The following TLX1 variants were observed in gnomAD, a reference collection of about 807,000 sequenced individuals.
TLX1 encodes T-cell leukemia homeobox protein 1.
Under a neutral mutation model 26.5 loss-of-function variants are expected in TLX1, and 6 were observed. That is an observed-to-expected ratio of 0.23 (90% CI 0.12 to 0.45). The LOEUF (loss-of-function observed/expected upper bound fraction) is 0.45. TLX1 is among the 20% of genes least tolerant of loss of function. The probability of loss-of-function intolerance (pLI) is 0.99; values close to 1 mark genes in which losing one functional copy is unlikely to be tolerated. For synonymous variants in TLX1, 217 were observed against 219.7 expected (o/e 0.99, Z 0.11); for missense variants, 418 against 482.6 (o/e 0.87, Z 1.25).
In TLX1 at chr10:101,136,723, G is replaced by A. The variant is rs552617426; in HGVS notation, c.803G>A (p.Arg268Lys). 5.0e-6 allele frequency: 8 copies of A among 1,613,044 alleles called. No individual in the cohort carries two copies. The East Asian group carries it at 1.1e-4, about 22-fold the overall frequency. Residue 268 changes from arginine to lysine, a missense_variant, in exon 3 of 3, where the codon AGG becomes AAG. This residue lies in a region of TLX1 where 78 missense variants were observed against 92.2 expected (regional missense o/e 0.85). Transcript: ENST00000370196. ...RQTAEEREAE[R>K]QQANRILLQL... ...ACTGCGGAGGAACGGGAGGCCGAGA[G>A]GCAGCAAGCGAACCGCATCCTCCTG...
chr10:101,131,891 G>T lies in TLX1; in HGVS notation c.350G>T (p.Gly117Val). ...LAGGPGPGGG[G>V]GSSGGAGALS... ...GGCGGCCCCGGTCCTGGCGGCGGCG[G>T]CGGCAGCAGCGGCGGTGCCGGGGCA... The change falls in exon 1 of 3, where the codon GGC (glycine) becomes GTC (valine). Residue 117 changes from glycine to valine, a missense_variant. Around this residue, in one of 3 missense-constraint regions of TLX1, gnomAD observed 322 missense variants for 344.6 expected, o/e 0.93. Coordinates refer to ENST00000370196, the MANE Select transcript of TLX1 (RefSeq NM_005521.4). 7.2e-7 allele frequency: 1 copy of T among 1,394,724 alleles called. No individual in the cohort carries two copies. The allele number at this position is 1,394,724 out of a possible 1,614,324, so 86.4% of individuals were successfully genotyped here.
Position 101,131,522 on chromosome 10 carries a change from C to A in TLX1, c.-20C>A, listed in dbSNP as rs1372299540. On this transcript the variant is annotated 5_prime_UTR_variant, in exon 1 of 3. Transcript: ENST00000370196. Reference sequence around the variant, plus strand: ...CAGCGAGCGCCGCCGCCCGGGCCCCCCGGTGGGGCCAGGGCCAGCATGGAG... The same window carrying A: ...CAGCGAGCGCCGCCGCCCGGGCCCCACGGTGGGGCCAGGGCCAGCATGGAG... 2.1e-6 allele frequency: 3 copies of A among 1,426,378 alleles called. No individual in the cohort carries two copies. Among genetic ancestry groups the A allele is most frequent in the Non-Finnish European group, 2.7e-6 (3 of 1,092,288 alleles). The allele number at this position is 1,426,378 out of a possible 1,614,324, so 88.4% of individuals were successfully genotyped here. A position where few individuals can be genotyped will look rare whatever the true frequency, so the allele number is the denominator to read the frequency against.
Position 101,132,494 on chromosome 10 carries a change from C to T in TLX1, c.568+385C>T, listed in dbSNP as rs1940200248. On this transcript the variant is annotated intron_variant, in intron 1 of 2. Transcript: ENST00000370196. This position sits in a 1 kb window ranked among gnomAD's most constrained non-coding sequence, Gnocchi z 4.1. Reference sequence around the variant, plus strand: ...AGTTTCTTCCGTCCTGGCTGCTGTTCTAGGACCCAGGAAGCGAGCCCCAGG... The same window carrying T: ...AGTTTCTTCCGTCCTGGCTGCTGTTTTAGGACCCAGGAAGCGAGCCCCAGG... Among the ~76,000 whole-genome samples, 1 of 152,166 alleles carries T rather than the reference C, an allele frequency of 6.6e-6. No homozygotes were observed.
chr10:101,132,007 A>C lies in TLX1; in HGVS notation c.466A>C (p.Thr156Pro), dbSNP rs1216513395. 4.6e-6 allele frequency: 7 copies of C among 1,522,058 alleles called. No individual in the cohort carries two copies. The East Asian group carries it at 8.1e-5, about 18-fold the overall frequency. The allele number at this position is 1,522,058 out of a possible 1,614,324, so 94.3% of individuals were successfully genotyped here. A position where few individuals can be genotyped will look rare whatever the true frequency, so the allele number is the denominator to read the frequency against. Residue 156 changes from threonine (T) to proline (P), a missense_variant, in exon 1 of 3, where the codon ACC becomes CCC. Transcript: ENST00000370196. This position sits in a 1 kb window ranked among gnomAD's most constrained non-coding sequence, Gnocchi z 4.1. ...CCAGCCCCTGGCCACCGGCTTGCCC[A>C]CCGTGCCCTCTGTGCCTGCCATGCC... ...HPQPLATGLP[T>P]VPSVPAMPGV... is the part of the protein sequence containing the mutation.
intron 2 of TLX1, among the ~76,000 whole-genome samples, chr10:101,135,671 G>T (rs544480212): frequency 6.6e-6 from 1 of 151,922 alleles, no homozygotes; most frequent in Non-Finnish European, 1.5e-5. Context: ...TAGGGACCCC[G>T]CTCAAGGAAA....
intron 2 of TLX1, among the ~76,000 whole-genome samples, chr10:101,135,091 C>T (rs557075739): frequency 6.6e-6 from 1 of 152,246 alleles, no homozygotes; most frequent in Non-Finnish European, 1.5e-5. Context: ...TTTACGCTCA[C>T]GGACGTGAAG....
At position 101,136,759 on chromosome 10, in the gene TLX1, A is replaced by C. The variant is rs758442195; in HGVS notation, c.839A>C (p.Gln280Pro). Reference sequence around the variant, plus strand: ...AACCGCATCCTCCTGCAGTTGCAGCAGGAGGCCTTCCAGAAGAGCCTGGCA... The same window carrying C: ...AACCGCATCCTCCTGCAGTTGCAGCCGGAGGCCTTCCAGAAGAGCCTGGCA... ...QANRILLQLQ[Q>P]EAFQKSLAQP... Residue 280 changes from glutamine to proline, a missense_variant, in exon 3 of 3, where the codon CAG becomes CCG. Around this residue, in one of 3 missense-constraint regions of TLX1, gnomAD observed 78 missense variants for 92.2 expected, o/e 0.85. Coordinates refer to ENST00000370196, the MANE Select transcript of TLX1 (RefSeq NM_005521.4). The C allele has an allele frequency of 1.2e-6, 2 of 1,613,320 alleles. No individual in the cohort carries two copies. The highest frequency in any genetic ancestry group is 1.7e-6 in the Non-Finnish European group (2 of 1,180,020).
chr10:101,137,110 C>A lies in TLX1; in HGVS notation c.*197C>A. 1.5e-6 allele frequency: 1 copy of A among 663,416 alleles called. No individual in the cohort carries two copies. Among genetic ancestry groups the A allele is most frequent in the Non-Finnish European group, 2.5e-6 (1 of 396,346 alleles). The allele number at this position is 663,416 out of a possible 1,614,324, so 41.1% of individuals were successfully genotyped here. On this transcript the variant is annotated 3_prime_UTR_variant, in exon 3 of 3. Transcript: ENST00000370196. Reference sequence around the variant, plus strand: ...TGGAAGAGCTCAAGGGACAAGGACACGCGCCCCCCTCCCAGAGGCGTCCCG... The same window carrying A: ...TGGAAGAGCTCAAGGGACAAGGACAAGCGCCCCCCTCCCAGAGGCGTCCCG...
In TLX1 at chr10:101,132,658, C is replaced by CT. The variant is rs575238401; in HGVS notation, c.568+562dup. ...CCGGTAAATCAGCAGAACCAGTGGC[C>CT]TTTTTTTTTTTTTCCGGAGAGCAGG... On this transcript the variant is annotated intron_variant, in intron 1 of 2. Coordinates refer to ENST00000370196, the MANE Select transcript of TLX1 (RefSeq NM_005521.4). The surrounding 1 kb of genome is among the most constrained non-coding windows in gnomAD (Gnocchi z 4.1). 0.18 allele frequency: 26,660 copies of CT among 145,444 alleles called. 2,421 individuals are homozygous for CT. The highest frequency in any genetic ancestry group is 0.2 in the Non-Finnish European group (13,100 of 66,050). The allele number at this position is 145,444 out of a possible 1,614,324, so 9.0% of individuals were successfully genotyped here.
intron 1 of TLX1, 59 bp from the exon 2 acceptor site, chr10:101,134,116 C>A (rs780598991): frequency 1.8e-5 from 27 of 1,486,504 alleles, no homozygotes; most frequent in Non-Finnish European, 2.2e-5. Flanking sequence ...TTGCCTCTGC[C>A]GTCTGTCTGT....
chr10:101,134,434 G>A (rs1940246138), intron 2 of TLX1, 58 bp downstream of exon 2: 1 of 1,454,956 alleles, frequency 6.9e-7, no homozygotes, highest in African/African-American at 1.4e-5. Context: ...GCAGCTCTCG[G>A]TTCATTGGCC....
In TLX1 at chr10:101,132,418, C is replaced by G. The variant is rs1940199240; in HGVS notation, c.568+309C>G. On this transcript the variant is annotated intron_variant, in intron 1 of 2. Coordinates refer to ENST00000370196, the MANE Select transcript of TLX1 (RefSeq NM_005521.4). The surrounding 1 kb of genome is among the most constrained non-coding windows in gnomAD (Gnocchi z 4.1). ...GAGGCCATAGATTCAGGACCACCTT[C>G]TGCAGCTACTCTTGGCCTGGGAATC... 6.6e-6 allele frequency among the ~76,000 whole-genome samples: 1 copy of G among 152,288 alleles called. No homozygotes were observed.
At chr10:101,134,082 G>T (rs905919580) in intron 1 of TLX1, 93 bp from the exon 2 acceptor site, 23 of 1,267,008 alleles carry the variant, frequency 1.8e-5, no homozygotes, top group Non-Finnish European at 2.4e-5. Context: ...GTTGGGCCTG[G>T]GACGCTTCCT....
intron 1 of TLX1, 175 bp from the exon 2 acceptor site, chr10:101,134,000 G>T: frequency 3.3e-6 from 2 of 600,956 alleles, no homozygotes; most frequent in Non-Finnish European, 5.6e-6. Flanking sequence ...TGGGCTTGTC[G>T]CTGAGGGCTA....
At position 101,131,476 on chromosome 10, in the gene TLX1, A is replaced by C; in HGVS notation, c.-66A>C. 1 of 1,287,110 alleles carries C rather than the reference A, an allele frequency of 7.8e-7. No homozygotes were observed. The highest frequency in any genetic ancestry group is 1.0e-6 in the Non-Finnish European group (1 of 997,272). 79.7% of individuals were successfully genotyped at this position (1,287,110 alleles called of 1,614,324 possible). On this transcript the variant is annotated 5_prime_UTR_variant, in exon 1 of 3. It removes the in-frame stop codon of an upstream open reading frame in the 5' UTR. Transcript: ENST00000370196. ...CCGCTGTTGCCTCCCAGCCCCTGCT[A>C]GCTGCCCCCCGAGCCGAGCGCAGCG...
In TLX1 at chr10:101,132,060, C is replaced by T; in HGVS notation, c.519C>T (p.Thr173=). 1 of 1,482,528 alleles carries T rather than the reference C, an allele frequency of 6.7e-7. No individual in the cohort carries two copies. The highest frequency in any genetic ancestry group is 2.3e-5 in the Admixed American group (1 of 43,350). 91.8% of individuals were successfully genotyped at this position (1,482,528 alleles called of 1,614,324 possible). ...GCGTCAACAACCTCACTGGCCTCAC[C>T]TTCCCCTGGATGGAGAGTAACCGCA... is the stretch of plus-strand genomic sequence containing the variant. The part of the protein sequence containing the change: ...MPGVNNLTGL[T]FPWMESNRRY... Residue 173 remains threonine (T), a synonymous_variant, in exon 1 of 3, where the codon ACC becomes ACT. Coordinates refer to ENST00000370196, the MANE Select transcript of TLX1 (RefSeq NM_005521.4). The surrounding 1 kb of genome is among the most constrained non-coding windows in gnomAD (Gnocchi z 4.1).
rs1466455645 is a variant in TLX1 at position 101,137,172 on chromosome 10, A to C, written c.*259A>C. On this transcript the variant is annotated 3_prime_UTR_variant, in exon 3 of 3. Transcript: ENST00000370196. ...ACTGTTAAGAAATCTGTTTTTGTTT[A>C]TTTCATTTTATTTTAATTTTTAACG... 1 of 488,334 alleles carries C rather than the reference A, an allele frequency of 2.0e-6. No homozygotes were observed. The allele number at this position is 488,334 out of a possible 1,614,324, so 30.3% of individuals were successfully genotyped here.
chr10:101,131,551 C>A lies in TLX1; in HGVS notation c.10C>A (p.Leu4Met). MEH[L>M]GPHHLHPGHA... ...TGGGGCCAGGGCCAGCATGGAGCAC[C>A]TGGGTCCGCACCACCTCCACCCGGG... Residue 4 changes from leucine to methionine, a missense_variant, in exon 1 of 3, where the codon CTG becomes ATG. By Grantham distance (15) the Leu-to-Met change is conservative. Transcript: ENST00000370196. 1 of 1,507,876 alleles carries A rather than the reference C, an allele frequency of 6.6e-7. No homozygotes were observed. Among genetic ancestry groups the A allele is most frequent in the South Asian group, 1.3e-5 (1 of 74,444 alleles). The allele number at this position is 1,507,876 out of a possible 1,614,324, so 93.4% of individuals were successfully genotyped here. A position where few individuals can be genotyped will look rare whatever the true frequency, so the allele number is the denominator to read the frequency against.
chr10:101,136,959 A>C lies in TLX1; in HGVS notation c.*46A>C, dbSNP rs759230941. ...GGGACCCCAGGCCCACTCAGGGGTC[A>C]CTGAGGCCTGAGACCCAGGACTCCT... On this transcript the variant is annotated 3_prime_UTR_variant, in exon 3 of 3. Coordinates refer to ENST00000370196, the MANE Select transcript of TLX1 (RefSeq NM_005521.4). The C allele has an allele frequency of 2.5e-6, 4 of 1,602,524 alleles. No homozygotes were observed. Among genetic ancestry groups the C allele is most frequent in the Non-Finnish European group, 3.4e-6 (4 of 1,172,812 alleles).
Sources: allele counts gnomAD v4.1 joint callset (sites outside exome capture counted in the v4.1 genomes callset), GRCh38; gene constraint gnomAD v4.1.1; regional missense constraint gnomAD v4.1.1; non-coding constraint Gnocchi (gnomAD v3.1); transcripts MANE v1.5; gene names NCBI Gene and HGNC (gene_info 2026-07-23, HGNC 2026-07-21).